Variants in DNAAF10 observed in about 807,000 individuals in gnomAD.
DNAAF10 encodes the protein WD repeat domain 92.
A neutral mutation model predicts 43.7 loss-of-function variants in DNAAF10; 28 were observed. The ratio of observed to expected loss-of-function variants is 0.64; its 90% CI spans 0.48 to 0.88. DNAAF10 has a LOEUF of 0.88. Ranked by LOEUF, DNAAF10 falls within the 40% of genes least tolerant of loss-of-function variation. The probability of loss-of-function intolerance (pLI) is 0.00; values close to 1 mark genes in which losing one functional copy is unlikely to be tolerated. For missense variants in DNAAF10, 403 were observed against 439.1 expected, an observed-to-expected ratio of 0.92 and a Z score of 0.73; for synonymous variants, 156 against 157.3, an observed-to-expected ratio of 0.99 and a Z score of 0.06.
rs112213472 is a variant in DNAAF10, at chr2:68,130,109, G to C, written c.*1129C>G. The C allele has an allele frequency of 5.4e-5, 7 of 129,210 alleles. 1 individual carries two copies. Among genetic ancestry groups the C allele is most frequent in the Non-Finnish European group, 9.2e-5 (6 of 65,256 alleles). 8.0% of individuals were successfully genotyped at this position (129,210 alleles called of 1,614,324 possible). On this transcript the variant is annotated 3_prime_UTR_variant, in exon 8 of 8. Coordinates refer to ENST00000295121, the MANE Select transcript of DNAAF10 (RefSeq NM_138458.4). ...CTAGACCAACCGTGCCGTTTTGAGA[G>C]AGAGAGATATATATATATATATTTG... is the stretch of plus-strand genomic sequence containing the variant.
intron 1 of DNAAF10, among the ~76,000 whole-genome samples, chr2:68,154,042 G>A (rs778488664): frequency 6.6e-6 from 1 of 150,864 alleles, no homozygotes; most frequent in Non-Finnish European, 1.5e-5. Flanking sequence ...TGTGAGCACC[G>A]CGCCCAGCCC....
chr2:68,146,490 G>A (rs1673319108), intron 2 of DNAAF10, among the ~76,000 whole-genome samples: 1 of 152,116 alleles, frequency 6.6e-6, no homozygotes, highest in Admixed American at 6.5e-5. Context: ...TAGAAAGATG[G>A]TCAATGGTAC....
chr2:68,133,214 T>C (rs1187009393), intron 7 of DNAAF10, among the ~76,000 whole-genome samples: 1 of 152,106 alleles, frequency 6.6e-6, no homozygotes, highest in African/African-American at 2.4e-5. Context: ...AGAAACCATA[T>C]TGGTTGTTTG....
Position 68,130,779 on chromosome 2 carries a change from G to A in DNAAF10, c.*459C>T, listed in dbSNP as rs1672914758. On this transcript the variant is annotated 3_prime_UTR_variant, in exon 8 of 8. Transcript: ENST00000295121. ...AGCAAACAAGCCCCGAGAGAGGCTGGAGGCTGGCCCAGAGGCTTGTGGCTG... is the reference window on the plus strand; with the variant it reads ...AGCAAACAAGCCCCGAGAGAGGCTGAAGGCTGGCCCAGAGGCTTGTGGCTG... The A allele has an allele frequency of 6.5e-6, 1 of 154,732 alleles. No homozygotes were observed. The highest frequency in any genetic ancestry group is 2.4e-5 in the African/African-American group (1 of 41,448). 9.6% of individuals were successfully genotyped at this position (154,732 alleles called of 1,614,324 possible).
intron 6 of DNAAF10, among the ~76,000 whole-genome samples, chr2:68,135,912 A>C (rs200009327): frequency 6.6e-6 from 1 of 152,138 alleles, no homozygotes; most frequent in Non-Finnish European, 1.5e-5. Flanking sequence ...TGGATTAACT[A>C]AATATAATTT....
At chr2:68,134,920 A>G (rs1673004503) in intron 6 of DNAAF10, 121 bp from the exon 7 acceptor site, 1 of 1,083,800 alleles carries the variant, frequency 9.2e-7, no homozygotes, top group Non-Finnish European at 1.3e-6. Context: ...AATTAAGGTT[A>G]TTTTCTGGCA....
chr2:68,157,323 G>A lies in DNAAF10; in HGVS notation c.121C>T (p.Arg41Trp). 6.2e-7 allele frequency: 1 copy of A among 1,614,158 alleles called. No homozygotes were observed. Among genetic ancestry groups the A allele is most frequent in the Non-Finnish European group, 8.5e-7 (1 of 1,180,028 alleles). The change falls in exon 1 of 8, where the codon CGG becomes TGG. Residue 41 changes from arginine (R) to tryptophan (W), a missense_variant. Arg to Trp is a moderately radical substitution (Grantham distance 101). Coordinates refer to ENST00000295121, the MANE Select transcript of DNAAF10 (RefSeq NM_138458.4). Reference protein sequence around the residue: ...AKFVTMGNFARGTGVIQLYEI... With the variant: ...AKFVTMGNFAWGTGVIQLYEI... ...TACAGCTGAATGACGCCGGTGCCCCGTGCGAAGTTGCCCATGGTCACAAAT... is the reference window on the plus strand; with the variant it reads ...TACAGCTGAATGACGCCGGTGCCCCATGCGAAGTTGCCCATGGTCACAAAT...
intron 6 of DNAAF10, among the ~76,000 whole-genome samples, chr2:68,136,691 C>A (rs1673051090): frequency 6.6e-6 from 1 of 152,100 alleles, no homozygotes; most frequent in Admixed American, 6.5e-5. Flanking sequence ...TTTCTGTAAT[C>A]CCCCCAGTCC....
At chr2:68,148,932 C>G (rs1673389882) in intron 1 of DNAAF10, among the ~76,000 whole-genome samples, 1 of 152,198 alleles carries the variant, frequency 6.6e-6, no homozygotes, top group African/African-American at 2.4e-5. Context: ...CAAGGCAGAT[C>G]ATGGTACACT....
At chr2:68,144,072 G>A (rs182699571) in intron 3 of DNAAF10, among the ~76,000 whole-genome samples, 4 of 152,148 alleles carry the variant, frequency 2.6e-5, no homozygotes, top group East Asian at 1.9e-4. Flanking sequence ...GTACCACTTC[G>A]GACACCAAAA....
intron 7 of DNAAF10, 187 bp from the exon 8 acceptor site, chr2:68,131,632 C>T: frequency 1.7e-6 from 1 of 599,524 alleles, no homozygotes. Flanking sequence ...TATCCCAAAA[C>T]ACGTCATAAA....
chr2:68,134,531 G>A (rs1459377588), intron 7 of DNAAF10, 171 bp downstream of exon 7: 1 of 1,469,492 alleles, frequency 6.8e-7, no homozygotes, highest in Non-Finnish European at 8.9e-7. Flanking sequence ...TAAGTGTAAA[G>A]TATATTCATA....
At chr2:68,143,614 G>T (rs187945109) in intron 3 of DNAAF10, among the ~76,000 whole-genome samples, 1 of 152,204 alleles carries the variant, frequency 6.6e-6, no homozygotes, top group Admixed American at 6.5e-5. Flanking sequence ...GCTTATAAGG[G>T]AATGGTTAAG....
chr2:68,153,345 T>TAAAAAAAAAAAAAA, intron 1 of DNAAF10, among the ~76,000 whole-genome samples: 1 of 98,750 alleles, frequency 1.0e-5, no homozygotes, highest in Non-Finnish European at 2.2e-5. Flanking sequence ...AGTGATAAAT[T>TAAAAAAAAAAAAAA]AAAAAAAAAA....
chr2:68,137,798 CA>C (rs1346524256), intron 5 of DNAAF10, among the ~76,000 whole-genome samples: 25 of 150,690 alleles, frequency 1.7e-4, no homozygotes, highest in Non-Finnish European at 2.9e-5. Context: ...ACCCGGGAGG[CA>C]GAGGTTGCAG....
chr2:68,151,535 T>C (rs993527543), intron 1 of DNAAF10, among the ~76,000 whole-genome samples: 1 of 152,220 alleles, frequency 6.6e-6, no homozygotes, highest in African/African-American at 2.4e-5. Flanking sequence ...TCCCCCTTTC[T>C]AGAATGTGAG....
chr2:68,131,834 A>G (rs1672936262), intron 7 of DNAAF10: 1 of 210,394 alleles, frequency 4.8e-6, no homozygotes, highest in Admixed American at 5.2e-5. Flanking sequence ...CAGGCAAACA[A>G]TGTGCAAAGG....
Position 68,138,764 on chromosome 2 carries a change from C to T in DNAAF10, c.611G>A (p.Trp204Ter). ...TACCCCATTTTTGATGTTTGTCTCC[C>T]ACCGTAATGCCATATTTCTGAGATC... The part of the protein sequence containing the change: ...LFDLRNMALR[W>*]ETNIKNGVCS... The change falls in exon 5 of 8, where the codon TGG becomes TAG. Residue 204 changes from tryptophan to a stop codon, truncating the protein, a stop_gained. Transcript: ENST00000295121. LOFTEE classifies it high-confidence loss of function. 1 of 1,613,792 alleles carries T rather than the reference C, an allele frequency of 6.2e-7. No individual in the cohort carries two copies. Among genetic ancestry groups the T allele is most frequent in the Non-Finnish European group, 8.5e-7 (1 of 1,179,764 alleles).
chr2:68,150,751 A>AAAAAAT (rs899096722), intron 1 of DNAAF10, among the ~76,000 whole-genome samples: 1 of 140,440 alleles, frequency 7.1e-6, no homozygotes, highest in Admixed American at 6.8e-5. Context: ...AAATAAAATA[A>AAAAAAT]AAAAATAAAA....
Sources: allele counts gnomAD v4.1 joint callset (sites outside exome capture counted in the v4.1 genomes callset), GRCh38; gene constraint gnomAD v4.1.1; transcripts MANE v1.5; gene names NCBI Gene and HGNC (gene_info 2026-07-23, HGNC 2026-07-21).